The following NBL1 variants were observed in gnomAD, a reference collection of about 807,000 sequenced individuals.
The protein encoded by NBL1 is neuroblastoma suppressor of tumorigenicity 1.
In NBL1, 9 loss-of-function variants were observed where a neutral mutation model predicts 16.0. The ratio of observed to expected loss-of-function variants is 0.56; its 90% CI spans 0.34 to 0.98. NBL1 has a LOEUF of 0.98. Among genes scored for constraint, NBL1 ranks in the 50% least tolerant of loss-of-function variants. NBL1 has a pLI of 0.02. For synonymous variants in NBL1, 86 were observed against 100.7 expected (o/e 0.85, Z 0.87); for missense variants, 196 against 243.1 (o/e 0.81, Z 1.29).
chr1:19,643,570 C>A (rs149258105), upstream of NBL1: 12 of 1,412,496 alleles, frequency 8.5e-6, no homozygotes, highest in East Asian at 3.2e-4. The surrounding 1 kb of genome is among the most constrained non-coding windows in gnomAD (Gnocchi z 4.7). Flanking sequence ...TAGGAACCCC[C>A]GAGGTGAGGC....
chr1:19,652,203 G>A (rs2095030084), intron 1 of NBL1, among the ~76,000 whole-genome samples: 2 of 152,164 alleles, frequency 1.3e-5, no homozygotes, highest in Non-Finnish European at 2.9e-5. Flanking sequence ...GGGTCTAGGG[G>A]GCCAGTCCAG....
At chr1:19,652,748 G>A (rs1042446084) in intron 1 of NBL1, among the ~76,000 whole-genome samples, 4 of 152,188 alleles carry the variant, frequency 2.6e-5, no homozygotes, top group African/African-American at 9.7e-5. Context: ...AGCACCTTGG[G>A]AGGCCGAGGT....
At position 19,647,882 on chromosome 1, in the gene NBL1, T is replaced by TGTGTGTGTGTGTGC. The variant is rs1273943458; in HGVS notation, c.-20+3437_-20+3438insTGTGTGTGTGTGCG. Among the ~76,000 whole-genome samples the TGTGTGTGTGTGTGC allele has an allele frequency of 2.1e-3, 293 of 137,184 alleles. 1 individual carries two copies. The highest frequency in any genetic ancestry group is 3.1e-3 in the Non-Finnish European group (193 of 63,158). 90.0% of individuals were successfully genotyped at this position (137,184 alleles called of 152,430 possible). A position where few individuals can be genotyped will look rare whatever the true frequency, so the allele number is the denominator to read the frequency against. On this transcript the variant is annotated intron_variant, in intron 1 of 3. Coordinates refer to ENST00000375136, the MANE Select transcript of NBL1 (RefSeq NM_005380.8). ...GTGTGTGTGCGTGTGTGTGTGTGTG[T>TGTGTGTGTGTGTGC]GCGTGTGCGCGCGTGTGTGTGCGTG...
intron 1 of NBL1, among the ~76,000 whole-genome samples, chr1:19,652,434 C>T (rs922379294): frequency 2.0e-5 from 3 of 150,344 alleles, no homozygotes; most frequent in Non-Finnish European, 3.0e-5. Context: ...GGGCCTGGAT[C>T]GTGACAGGAA....
Position 19,655,402 on chromosome 1 carries a change from C to G in NBL1, c.249C>G (p.Asp83Glu). The change falls in exon 3 of 4, where the codon GAC (aspartate) becomes GAG (glutamate). Residue 83 changes from aspartate (D) to glutamate (E), a missense_variant. By Grantham distance (45) the Asp-to-Glu change is conservative. Transcript: ENST00000375136. ...PQSTESLVHC[D>E]SCMPAQSMWE... ...CCACAGAGTCCCTGGTTCACTGTGACTCCTGCATGCCAGCCCAGTCCATGT... is the reference window on the plus strand; with the variant it reads ...CCACAGAGTCCCTGGTTCACTGTGAGTCCTGCATGCCAGCCCAGTCCATGT... The G allele has an allele frequency of 6.2e-7, 1 of 1,614,156 alleles. No homozygotes were observed.
chr1:19,651,134 T>C (rs1234395584), intron 1 of NBL1, among the ~76,000 whole-genome samples: 1 of 152,214 alleles, frequency 6.6e-6, no homozygotes, highest in East Asian at 1.9e-4. Flanking sequence ...AGAAAGGCAG[T>C]TTCTGAGGAG....
chr1:19,646,667 C>T (rs2094982283), intron 1 of NBL1, among the ~76,000 whole-genome samples: 2 of 152,342 alleles, frequency 1.3e-5, no homozygotes, highest in Admixed American at 6.5e-5. Flanking sequence ...CCCTCTGCAC[C>T]CAGCAGCATG....
chr1:19,646,039 G>A lies in NBL1; in HGVS notation c.-20+1593G>A, dbSNP rs576870136. The A allele has an allele frequency of 5.6e-5, 87 of 1,550,770 alleles. No individual in the cohort carries two copies. The South Asian group carries it at 9.9e-4, about 18-fold the overall frequency. ...TGCGGGCAGGAGGGTCTGCGGTAAG[G>A]AGGGCCGTGGCCTGGGTTTGGGGGC... On this transcript the variant is annotated intron_variant, in intron 1 of 3. Transcript: ENST00000375136.
chr1:19,653,959 G>C (rs2095042129), intron 1 of NBL1, among the ~76,000 whole-genome samples: 1 of 152,200 alleles, frequency 6.6e-6, no homozygotes, highest in Non-Finnish European at 1.5e-5. Flanking sequence ...GCTTTGATTG[G>C]CTCCCGCTTG....
chr1:19,645,651 T>C, intron 1 of NBL1: 1 of 1,159,106 alleles, frequency 8.6e-7, no homozygotes, highest in African/African-American at 1.6e-5. Flanking sequence ...CTGGGGCTGC[T>C]TGGGCGTGGT....
Position 19,657,154 on chromosome 1 carries a change from C to G in NBL1, c.*25C>G, listed in dbSNP as rs2095061265. ...AGGCCCCCCCAACTCTTCCTCCCCT[C>G]TCATCCCCCTGTGGAATGTTGGGTC... On this transcript the variant is annotated 3_prime_UTR_variant, in exon 4 of 4. Coordinates refer to ENST00000375136, the MANE Select transcript of NBL1 (RefSeq NM_005380.8). 4.6e-6 allele frequency: 5 copies of G among 1,098,474 alleles called. No homozygotes were observed. In the Admixed American group the frequency reaches 1.4e-4, roughly 30 times the overall value. 68.0% of individuals were successfully genotyped at this position (1,098,474 alleles called of 1,614,324 possible).
intron 1 of NBL1, chr1:19,646,124 C>T: frequency 2.1e-6 from 3 of 1,427,698 alleles, no homozygotes; most frequent in Non-Finnish European, 2.9e-6. Context: ...CGGGGTCGGC[C>T]CTGTGTGTCC....
intron 1 of NBL1, 112 bp from the exon 2 acceptor site, chr1:19,654,900 G>C (rs2095047279): frequency 7.3e-7 from 1 of 1,360,668 alleles, no homozygotes; most frequent in Admixed American, 2.9e-5. Flanking sequence ...GTTAGTAAGT[G>C]GGAGAGCTGG....
intron 1 of NBL1, among the ~76,000 whole-genome samples, chr1:19,649,105 G>C (rs2095005356): frequency 6.6e-6 from 1 of 152,060 alleles, no homozygotes; most frequent in Non-Finnish European, 1.5e-5. Flanking sequence ...TCTCTTCGGT[G>C]AACCTTTTGA....
At chr1:19,653,385 T>C (rs967827849) in intron 1 of NBL1, among the ~76,000 whole-genome samples, 16 of 151,860 alleles carry the variant, frequency 1.1e-4, no homozygotes, top group African/African-American at 3.6e-4. Flanking sequence ...ACCTGACTCC[T>C]GGTGCTGGGC....
Position 19,657,030 on chromosome 1 carries a change from C to CCCTCACCCCCAT in NBL1, c.450_461dup (p.His155_Pro158dup), listed in dbSNP as rs1362730997. 6.4e-7 allele frequency: 1 copy of CCCTCACCCCCAT among 1,560,826 alleles called. No homozygotes were observed. The highest frequency in any genetic ancestry group is 1.9e-5 in the Admixed American group (1 of 52,192). On this transcript the variant is annotated inframe_insertion, in exon 4 of 4. Transcript: ENST00000375136. ...GGCCGGGATCCCAGCCCGGCACCCACCCTCACCCCCATCCCCACCCCCATC... is the reference window on the plus strand; with the variant it reads ...GGCCGGGATCCCAGCCCGGCACCCACCCTCACCCCCATCCTCACCCCCATCCCCACCCCCATC...
chr1:19,656,559 G>A (rs2095057614), intron 3 of NBL1, among the ~76,000 whole-genome samples: 2 of 151,998 alleles, frequency 1.3e-5, no homozygotes, highest in African/African-American at 4.8e-5. Context: ...GCCTTAGTGA[G>A]GGGTCAGGGT....
chr1:19,644,120 G>GGGCC (rs1355863741), upstream of NBL1: 3 of 976,150 alleles, frequency 3.1e-6, no homozygotes, highest in East Asian at 3.4e-4. This position sits in a 1 kb window ranked among gnomAD's most constrained non-coding sequence, Gnocchi z 4.6. Flanking sequence ...CGGGGCGGGC[G>GGGCC]GGCCAGGAGA....
At chr1:19,648,480 A>G (rs972849005) in intron 1 of NBL1, among the ~76,000 whole-genome samples, 7 of 152,300 alleles carry the variant, frequency 4.6e-5, no homozygotes, top group African/African-American at 1.4e-4. Flanking sequence ...CATCTCAGGA[A>G]AGAGGTGTCA....
Sources: allele counts gnomAD v4.1 joint callset (sites outside exome capture counted in the v4.1 genomes callset), GRCh38; gene constraint gnomAD v4.1.1; non-coding constraint Gnocchi (gnomAD v3.1); transcripts MANE v1.5; gene names NCBI Gene and HGNC (gene_info 2026-07-23, HGNC 2026-07-21).